KIF13A: variants seen among roughly 807,000 people sequenced by gnomAD.
The protein encoded by KIF13A is kinesin-like protein KIF13A.
Under a neutral mutation model 212.2 loss-of-function variants are expected in KIF13A, and 79 were observed. The ratio of observed to expected loss-of-function variants is 0.37; its 90% CI spans 0.31 to 0.45. KIF13A has a LOEUF of 0.45. KIF13A is among the 20% of genes least tolerant of loss of function. The pLI is 1.00. For missense variants in KIF13A, 1,901 were observed against 2,209.0 expected (o/e 0.86, Z 2.79); for synonymous variants, 789 against 808.6 (o/e 0.98, Z 0.41).
At position 17,817,020 on chromosome 6, in the gene KIF13A, C is replaced by G. The variant is rs754242420; in HGVS notation, c.2000G>C (p.Arg667Thr). Reference protein sequence around the residue: ...QQKVTQWAEERDELFRQSLAK... With the variant: ...QQKVTQWAEETDELFRQSLAK... ...GGGCTGCCCCCGCTGCAGTTCTTAC[C>G]TCTCTTCTGCCCACTGGGTCACCTT... Residue 667 changes from arginine (R) to threonine (T), a missense_variant and splice_region_variant, in exon 17 of 39, where the codon AGG becomes ACG. Arg to Thr is a moderately conservative substitution (Grantham distance 71). Around this residue, in one of 5 missense-constraint regions of KIF13A, gnomAD observed 534 missense variants for 536.9 expected, o/e 0.99. Transcript: ENST00000259711. 6.2e-7 allele frequency: 1 copy of G among 1,609,420 alleles called. No individual in the cohort carries two copies.
rs1010420227 is a variant in KIF13A, at chr6:17,839,215, G to A, written c.831-1632C>T. ...CTTGACCACTGCACAATCTGTGCCT[G>A]TAACAAAATTGCACTTGTACCCCAT... On this transcript the variant is annotated intron_variant, in intron 9 of 38. Transcript: ENST00000259711. The surrounding 1 kb of genome is among the most constrained non-coding windows in gnomAD (Gnocchi z 4.3). 5.9e-5 allele frequency among the ~76,000 whole-genome samples: 9 copies of A among 152,182 alleles called. No individual in the cohort carries two copies. Among genetic ancestry groups the A allele is most frequent in the Non-Finnish European group, 7.3e-5 (5 of 68,040 alleles).
Position 17,785,923 on chromosome 6 carries a change from A to G in KIF13A, c.3362-282T>C, listed in dbSNP as rs1461677051. ...CAGACAAGAGACCCTGTCTCAAAAA[A>G]CAAGCAAACAAAAACAATAAACAGA... On this transcript the variant is annotated intron_variant, in intron 27 of 38. Transcript: ENST00000259711. The surrounding 1 kb of genome is among the most constrained non-coding windows in gnomAD (Gnocchi z 5.8). Among the ~76,000 whole-genome samples the G allele has an allele frequency of 6.6e-6, 1 of 152,122 alleles. No homozygotes were observed. Among genetic ancestry groups the G allele is most frequent in the Admixed American group, 6.5e-5 (1 of 15,272 alleles).
At chr6:17,946,446 A>G (rs1161671864) in intron 2 of KIF13A, among the ~76,000 whole-genome samples, 2 of 152,092 alleles carry the variant, frequency 1.3e-5, no homozygotes, top group African/African-American at 4.8e-5. Flanking sequence ...AAAAGGCCAA[A>G]AAAAAAACAA....
At chr6:17,822,582 C>T (rs1249420159) in intron 16 of KIF13A, among the ~76,000 whole-genome samples, 1 of 152,010 alleles carries the variant, frequency 6.6e-6, no homozygotes, top group Non-Finnish European at 1.5e-5. Flanking sequence ...TCTCGGAGGG[C>T]TAAATGATTA....
intron 2 of KIF13A, among the ~76,000 whole-genome samples, chr6:17,905,741 T>G (rs1773441547): frequency 2.0e-5 from 3 of 152,188 alleles, no homozygotes; most frequent in Admixed American, 1.3e-4. Context: ...GGGAATCATC[T>G]GTGCAAAAAT....
chr6:17,800,016 C>T lies in KIF13A; in HGVS notation c.2552G>A (p.Gly851Glu). The T allele has an allele frequency of 6.2e-7, 1 of 1,614,030 alleles. No homozygotes were observed. The highest frequency in any genetic ancestry group is 8.5e-7 in the Non-Finnish European group (1 of 1,179,896). ...GCTGCTGTCTACGACTTCAAGGCTC[C>T]CACTTTCACTGGAATTCTCCGAAGA... Reference protein sequence around the residue: ...DDSSENSSESGSLEVVDSSGE... With the variant: ...DDSSENSSESESLEVVDSSGE... The change falls in exon 21 of 39, where the codon GGG becomes GAG. Residue 851 changes from glycine (G) to glutamate (E), a missense_variant. By Grantham distance (98) the Gly-to-Glu change is moderately conservative (BLOSUM62 -2). This residue lies in a region of KIF13A where 534 missense variants were observed against 536.9 expected (regional missense o/e 0.99). Coordinates refer to ENST00000259711, the MANE Select transcript of KIF13A (RefSeq NM_022113.6).
chr6:17,946,722 C>CA (rs1387417278), intron 2 of KIF13A, among the ~76,000 whole-genome samples: 20 of 152,090 alleles, frequency 1.3e-4, no homozygotes, highest in Admixed American at 1.2e-3. Context: ...TTAACATGCA[C>CA]ATATGCTATG....
intron 38 of KIF13A, among the ~76,000 whole-genome samples, chr6:17,766,610 A>G (rs1446748074): frequency 6.6e-6 from 1 of 152,020 alleles, no homozygotes; most frequent in East Asian, 1.9e-4. Context: ...GTTGGTGTGC[A>G]GTGATGCAAC....
In KIF13A at chr6:17,832,975, C is replaced by G. The variant is rs1213007515; in HGVS notation, c.1266+986G>C. 2.9e-5 allele frequency among the ~76,000 whole-genome samples: 4 copies of G among 139,026 alleles called. 1 individual carries two copies. Among genetic ancestry groups the G allele is most frequent in the Admixed American group, 1.5e-4 (2 of 13,292 alleles). 91.2% of individuals were successfully genotyped at this position (139,026 alleles called of 152,430 possible). The stretch of plus-strand genomic sequence containing the variant: ...GTTGCAGTGAGCCGAGATTGCGCCA[C>G]TGCACTCCAGCCTGGGCGACAGAGA... On this transcript the variant is annotated intron_variant, in intron 12 of 38. Transcript: ENST00000259711.
At chr6:17,844,503 C>T (rs1043373945) in intron 9 of KIF13A, among the ~76,000 whole-genome samples, 6 of 152,170 alleles carry the variant, frequency 3.9e-5, no homozygotes, top group African/African-American at 9.6e-5. Context: ...TACTGCAGGA[C>T]GTCTCCGAGC....
At chr6:17,860,957 G>A (rs1044847760) in intron 4 of KIF13A, among the ~76,000 whole-genome samples, 3 of 151,938 alleles carry the variant, frequency 2.0e-5, no homozygotes, top group African/African-American at 4.8e-5. Context: ...AATACCCACC[G>A]TATCCTCCTG....
In KIF13A at chr6:17,771,038, G is replaced by T; in HGVS notation, c.4581+76C>A. ...CCAATACATGTCTTAATTTCTTCTA[G>T]CATTTGGATGATTGTCTGTGAAAGG... On this transcript the variant is annotated intron_variant, in intron 38 of 38. Coordinates refer to ENST00000259711, the MANE Select transcript of KIF13A (RefSeq NM_022113.6). The surrounding 1 kb of genome is among the most constrained non-coding windows in gnomAD (Gnocchi z 5.4). The T allele has an allele frequency of 1.1e-6, 1 of 914,754 alleles. No homozygotes were observed. The highest frequency in any genetic ancestry group is 1.7e-6 in the Non-Finnish European group (1 of 576,080). 56.7% of individuals were successfully genotyped at this position (914,754 alleles called of 1,614,324 possible).
At position 17,850,907 on chromosome 6, in the gene KIF13A, C is replaced by G. The variant is rs979623917; in HGVS notation, c.583-450G>C. On this transcript the variant is annotated intron_variant, in intron 7 of 38. Transcript: ENST00000259711. The surrounding 1 kb of genome is among the most constrained non-coding windows in gnomAD (Gnocchi z 6.2). ...ACTTTGTACACTTGCTCCTAGAATGCCTAGAGCCTATGGGATCTTATGAAA... is the reference window on the plus strand; with the variant it reads ...ACTTTGTACACTTGCTCCTAGAATGGCTAGAGCCTATGGGATCTTATGAAA... Among the ~76,000 whole-genome samples, 8 of 152,154 alleles carry G rather than the reference C, an allele frequency of 5.3e-5. No homozygotes were observed. Among genetic ancestry groups the G allele is most frequent in the African/African-American group, 1.9e-4 (8 of 41,442 alleles).
In KIF13A at chr6:17,764,456, T is replaced by G. The variant is rs1437391549; in HGVS notation, c.5072A>C (p.Lys1691Thr). ...ACATGAGCCAGTCCTGCACAGTGAT[T>G]TGGAGTTTTTCTCAGGGATGCTCTG... ...SSQSIPEKNS[K>T]SLCRTGSCSE... The change falls in exon 39 of 39, where the codon AAA (lysine) becomes ACA (threonine). Residue 1691 changes from lysine to threonine, a missense_variant. Physicochemically the swap from Lys to Thr is moderately conservative, Grantham distance 78. This residue lies in a region of KIF13A where 687 missense variants were observed against 759.1 expected (regional missense o/e 0.90). Coordinates refer to ENST00000259711, the MANE Select transcript of KIF13A (RefSeq NM_022113.6). This position sits in a 1 kb window ranked among gnomAD's most constrained non-coding sequence, Gnocchi z 5.1. The G allele has an allele frequency of 6.2e-7, 1 of 1,613,982 alleles. No individual in the cohort carries two copies. Among genetic ancestry groups the G allele is most frequent in the East Asian group, 2.2e-5 (1 of 44,876 alleles).
intron 17 of KIF13A, chr6:17,815,576 T>C (rs1265687899): frequency 2.3e-6 from 1 of 430,322 alleles, no homozygotes. Context: ...TGTCTTCTGG[T>C]CACTTCTCAC....
intron 20 of KIF13A, among the ~76,000 whole-genome samples, chr6:17,800,637 G>A (rs1484879301): frequency 6.8e-6 from 1 of 147,236 alleles, no homozygotes; most frequent in African/African-American, 2.5e-5. Flanking sequence ...GTCTAGCTCT[G>A]TTGCCCAGGC....
In KIF13A at chr6:17,776,800, T is replaced by C. The variant is rs1021195897; in HGVS notation, c.4170+477A>G. On this transcript the variant is annotated intron_variant, in intron 34 of 38. Transcript: ENST00000259711. The surrounding 1 kb of genome is among the most constrained non-coding windows in gnomAD (Gnocchi z 4.6). ...ATCAGTTTCTGTCAATTGGATTTTC[T>C]AGATTAACTGGTTGAGAAAAATAAC... 6.6e-6 allele frequency among the ~76,000 whole-genome samples: 1 copy of C among 152,202 alleles called. No individual in the cohort carries two copies. The highest frequency in any genetic ancestry group is 2.4e-5 in the African/African-American group (1 of 41,454).
At chr6:17,974,929 T>G (rs146828238) in intron 2 of KIF13A, among the ~76,000 whole-genome samples, 1 of 152,226 alleles carries the variant, frequency 6.6e-6, no homozygotes, top group Non-Finnish European at 1.5e-5. Context: ...CATTGGACAG[T>G]GAAGATATAG....
rs1219105061 is a variant in KIF13A, at chr6:17,919,270, T to C, written c.147-21090A>G. ...AACATCACAGCACATCACAAAACAG[T>C]AGAAAGTATCCCTCTTCAACAATTA... On this transcript the variant is annotated intron_variant, in intron 2 of 38. Transcript: ENST00000259711. This position sits in a 1 kb window ranked among gnomAD's most constrained non-coding sequence, Gnocchi z 4.1. Among the ~76,000 whole-genome samples, 1 of 152,164 alleles carries C rather than the reference T, an allele frequency of 6.6e-6. No individual in the cohort carries two copies. Among genetic ancestry groups the C allele is most frequent in the Non-Finnish European group, 1.5e-5 (1 of 68,028 alleles).
Sources: allele counts gnomAD v4.1 joint callset (sites outside exome capture counted in the v4.1 genomes callset), GRCh38; gene constraint gnomAD v4.1.1; regional missense constraint gnomAD v4.1.1; non-coding constraint Gnocchi (gnomAD v3.1); transcripts MANE v1.5; gene names NCBI Gene and HGNC (gene_info 2026-07-23, HGNC 2026-07-21).